The following PAPPA variants were observed in gnomAD, a reference collection of about 807,000 sequenced individuals.
The protein encoded by PAPPA is pappalysin-1.
Under a neutral mutation model 164.0 loss-of-function variants are expected in PAPPA, and 60 were observed. The observed-to-expected ratio is 0.37, with a 90% confidence interval of 0.30 to 0.45. The LOEUF is 0.45. Ranked by LOEUF, PAPPA falls within the 20% of genes least tolerant of loss-of-function variation. The pLI is 1.00. For synonymous variants in PAPPA, 875 were observed against 814.1 expected (o/e 1.07, Z -1.27); for missense variants, 1,782 against 2,087.3 (o/e 0.85, Z 2.85).
At chr9:116,276,471 CT>C (rs752625748) in intron 9 of PAPPA, among the ~76,000 whole-genome samples, 7 of 152,060 alleles carry the variant, frequency 4.6e-5, no homozygotes, top group Non-Finnish European at 8.8e-5. Context: ...CTGGCTGCAG[CT>C]TAGCACCTCA....
chr9:116,252,555 G>T (rs757012146), intron 7 of PAPPA, among the ~76,000 whole-genome samples: 18 of 152,162 alleles, frequency 1.2e-4, no homozygotes, highest in Non-Finnish European at 2.4e-4. Context: ...TGGGTGTGGT[G>T]GGATCCCAGG....
intron 6 of PAPPA, 151 bp from the exon 7 acceptor site, chr9:116,234,988 C>A: frequency 1.4e-6 from 1 of 737,064 alleles, no homozygotes; most frequent in Non-Finnish European, 2.3e-6. Context: ...GTGTGTATAG[C>A]AGATTCACCA....
Position 116,402,091 on chromosome 9 carries a change from T to C in PAPPA, c.*5475T>C, listed in dbSNP as rs1847066116. The stretch of plus-strand genomic sequence containing the variant: ...TTTTTAATTTATATTTACACAATTG[T>C]TCATCTAATTTATTTTTTCTATACA... On this transcript the variant is annotated 3_prime_UTR_variant, in exon 22 of 22. Coordinates refer to ENST00000328252, the MANE Select transcript of PAPPA (RefSeq NM_002581.5). 2 of 152,492 alleles carry C rather than the reference T, an allele frequency of 1.3e-5. No homozygotes were observed. Among genetic ancestry groups the C allele is most frequent in the South Asian group, 4.1e-4 (2 of 4,828 alleles). 9.4% of individuals were successfully genotyped at this position (152,492 alleles called of 1,614,324 possible).
At chr9:116,392,261 T>G (rs1311480523) in intron 21 of PAPPA, among the ~76,000 whole-genome samples, 1 of 152,212 alleles carries the variant, frequency 6.6e-6, no homozygotes, top group Non-Finnish European at 1.5e-5. Context: ...AAATACCTTT[T>G]TTTTCCCCCT....
chr9:116,254,462 T>C (rs1844896949), intron 7 of PAPPA, among the ~76,000 whole-genome samples: 1 of 152,182 alleles, frequency 6.6e-6, no homozygotes, highest in East Asian at 1.9e-4. Flanking sequence ...TACAAAATAA[T>C]GTGTGTATGT....
chr9:116,188,817 T>G (rs1031975280), intron 2 of PAPPA, among the ~76,000 whole-genome samples: 2 of 152,210 alleles, frequency 1.3e-5, no homozygotes, highest in African/African-American at 4.8e-5. Context: ...TTCTTCATTT[T>G]GTAACTTCTT....
chr9:116,187,383 C>A lies in PAPPA; in HGVS notation c.645C>A (p.Ala215=). The change falls in exon 2 of 22, where the codon GCC becomes GCA. Residue 215 remains alanine (A), a synonymous_variant. Transcript: ENST00000328252. This position sits in a 1 kb window ranked among gnomAD's most constrained non-coding sequence, Gnocchi z 4.2. The stretch of plus-strand genomic sequence containing the variant: ...TCATGAAGCTCTATGTGAATGGTGC[C>A]CAGGTGGCCACCTCTGGGGAACAAG... ...GQFMKLYVNG[A]QVATSGEQVG... 1 of 1,614,068 alleles carries A rather than the reference C, an allele frequency of 6.2e-7. No homozygotes were observed. The highest frequency in any genetic ancestry group is 8.5e-7 in the Non-Finnish European group (1 of 1,180,016).
intron 1 of PAPPA, among the ~76,000 whole-genome samples, chr9:116,169,520 A>G (rs1163578751): frequency 6.6e-6 from 1 of 151,228 alleles, no homozygotes; most frequent in East Asian, 1.9e-4. Context: ...GGGCTTCATC[A>G]TGTTGGCCAG....
chr9:116,291,545 T>C (rs937046461), intron 9 of PAPPA, among the ~76,000 whole-genome samples: 2 of 152,208 alleles, frequency 1.3e-5, no homozygotes, highest in African/African-American at 4.8e-5. Flanking sequence ...ATAACTTTGT[T>C]AATTCATCAT....
chr9:116,188,464 A>G (rs1364274599), intron 2 of PAPPA, among the ~76,000 whole-genome samples: 1 of 152,200 alleles, frequency 6.6e-6, no homozygotes, highest in African/African-American at 2.4e-5. Flanking sequence ...TGTTTTCTCA[A>G]AGAGCCCAGA....
chr9:116,216,008 T>C (rs1051904521), intron 4 of PAPPA, among the ~76,000 whole-genome samples: 9 of 152,178 alleles, frequency 5.9e-5, no homozygotes, highest in African/African-American at 1.9e-4. Flanking sequence ...TTATTATCTA[T>C]AGGTAATGAG....
intron 6 of PAPPA, among the ~76,000 whole-genome samples, chr9:116,228,762 C>T (rs954000752): frequency 1.3e-5 from 2 of 152,178 alleles, no homozygotes; most frequent in African/African-American, 4.8e-5. Flanking sequence ...CCCCCAAGTG[C>T]AGGAATCCCC....
At position 116,398,654 on chromosome 9, in the gene PAPPA, G is replaced by T. The variant is rs149280828; in HGVS notation, c.*2038G>T. On this transcript the variant is annotated 3_prime_UTR_variant, in exon 22 of 22. Transcript: ENST00000328252. ...TTTTGGCACAGGTGCCCACAAATACGGATGCAGTGCTGAGATAGTTTATGA... is the reference window on the plus strand; with the variant it reads ...TTTTGGCACAGGTGCCCACAAATACTGATGCAGTGCTGAGATAGTTTATGA... 1.7e-6 allele frequency: 1 copy of T among 601,814 alleles called. No homozygotes were observed. Among genetic ancestry groups the T allele is most frequent in the South Asian group, 1.5e-5 (1 of 67,286 alleles). The allele number at this position is 601,814 out of a possible 1,614,324, so 37.3% of individuals were successfully genotyped here.
chr9:116,166,298 G>T (rs1053758788), intron 1 of PAPPA, among the ~76,000 whole-genome samples: 3 of 152,126 alleles, frequency 2.0e-5, no homozygotes, highest in Non-Finnish European at 4.4e-5. Context: ...CCATATTTTG[G>T]CCTTGGTCTT....
At chr9:116,233,800 G>A (rs1174751737) in intron 6 of PAPPA, among the ~76,000 whole-genome samples, 4 of 151,884 alleles carry the variant, frequency 2.6e-5, no homozygotes, top group African/African-American at 7.3e-5. Flanking sequence ...ACCACAAAGC[G>A]TTTTTAAGCA....
intron 1 of PAPPA, among the ~76,000 whole-genome samples, chr9:116,180,348 G>A (rs1430167168): frequency 6.6e-6 from 1 of 152,010 alleles, no homozygotes; most frequent in Non-Finnish European, 1.5e-5. Context: ...GCTCTGGAGT[G>A]AAAGAGATGA....
chr9:116,196,857 A>G (rs1335410050), intron 2 of PAPPA, among the ~76,000 whole-genome samples: 1 of 152,126 alleles, frequency 6.6e-6, no homozygotes, highest in African/African-American at 2.4e-5. Flanking sequence ...GTTTGATTCA[A>G]AAGTTGTGTG....
At chr9:116,365,067 T>C (rs1451593124) in intron 18 of PAPPA, among the ~76,000 whole-genome samples, 1 of 152,184 alleles carries the variant, frequency 6.6e-6, no homozygotes, top group Non-Finnish European at 1.5e-5. Context: ...GCCCCAGCTG[T>C]ATCCTCGCTT....
chr9:116,372,996 A>C lies in PAPPA; in HGVS notation c.4606-4580A>C, dbSNP rs185039453. Among the ~76,000 whole-genome samples the C allele has an allele frequency of 3.2e-3, 494 of 152,284 alleles. 1 individual carries two copies. The highest frequency in any genetic ancestry group is 4.7e-3 in the Admixed American group (72 of 15,296). ...CATCCTGCAAGGGCAACCCTCATAC[A>C]TGTCTTTTAAAAATATGCAACACAT... On this transcript the variant is annotated intron_variant, in intron 19 of 21. Coordinates refer to ENST00000328252, the MANE Select transcript of PAPPA (RefSeq NM_002581.5).
Sources: gnomAD v4.1 joint callset for allele counts (sites outside exome capture counted in the v4.1 genomes callset) on GRCh38, gnomAD v4.1.1 for gene constraint, Gnocchi (gnomAD v3.1) non-coding constraint, MANE v1.5 for transcripts, NCBI Gene and HGNC (gene_info 2026-07-23, HGNC 2026-07-21) for gene names.